GALNTL6: variants seen among roughly 807,000 people sequenced by gnomAD.
GALNTL6 encodes polypeptide N-acetylgalactosaminyltransferase-like 6.
Under a neutral mutation model 73.7 loss-of-function variants are expected in GALNTL6, and 46 were observed. That is an observed-to-expected ratio of 0.62 (90% CI 0.49 to 0.80). GALNTL6 has a LOEUF of 0.80. Ranked by LOEUF, GALNTL6 falls within the 30% of genes least tolerant of loss-of-function variation. The pLI is 0.00. For missense variants in GALNTL6, 604 were observed against 755.0 expected, an observed-to-expected ratio of 0.80 and a Z score of 2.34; for synonymous variants, 259 against 263.7, an observed-to-expected ratio of 0.98 and a Z score of 0.17.
At chr4:172,169,045 G>T (rs1734727563) in intron 2 of GALNTL6, among the ~76,000 whole-genome samples, 1 of 152,144 alleles carries the variant, frequency 6.6e-6, no homozygotes, top group Non-Finnish European at 1.5e-5. Context: ...TTTATGTTTG[G>T]GAATTGCATC....
At chr4:171,828,227 A>T (rs1335226981) in intron 2 of GALNTL6, among the ~76,000 whole-genome samples, 4 of 152,186 alleles carry the variant, frequency 2.6e-5, no homozygotes, top group Non-Finnish European at 5.9e-5. Context: ...AGTGGGTTCA[A>T]GTATCACGAG....
intron 5 of GALNTL6, among the ~76,000 whole-genome samples, chr4:172,349,150 C>T (rs1469438858): frequency 6.6e-6 from 1 of 152,078 alleles, no homozygotes; most frequent in Non-Finnish European, 1.5e-5. Context: ...GACACAGGTA[C>T]ATATTTTTAC....
chr4:171,953,391 CAG>C (rs1159645290), intron 2 of GALNTL6, among the ~76,000 whole-genome samples: 2 of 152,058 alleles, frequency 1.3e-5, no homozygotes, highest in Non-Finnish European at 2.9e-5. Flanking sequence ...AGTAGAAAAA[CAG>C]ATCAATACAA....
chr4:172,382,377 G>A (rs1743315409), intron 5 of GALNTL6, among the ~76,000 whole-genome samples: 2 of 151,800 alleles, frequency 1.3e-5, no homozygotes, highest in South Asian at 2.1e-4. Flanking sequence ...GTTGAGCATC[G>A]TTTTATGTAC....
chr4:172,910,171 T>C (rs1355875171), intron 8 of GALNTL6, among the ~76,000 whole-genome samples: 1 of 152,144 alleles, frequency 6.6e-6, no homozygotes, highest in Non-Finnish European at 1.5e-5. Flanking sequence ...ACAATATTCA[T>C]AGATGTCCTC....
intron 2 of GALNTL6, among the ~76,000 whole-genome samples, chr4:171,950,154 T>C (rs1396521224): frequency 6.6e-6 from 1 of 152,214 alleles, no homozygotes; most frequent in Non-Finnish European, 1.5e-5. Context: ...AATATTGTCT[T>C]TGTCATAACT....
intron 3 of GALNTL6, among the ~76,000 whole-genome samples, chr4:172,242,944 A>T (rs1371904590): frequency 1.3e-5 from 2 of 152,234 alleles, no homozygotes; most frequent in Admixed American, 1.3e-4. Context: ...AGCCAGAAGG[A>T]TCATCTGAAC....
rs771207652 is a variant in GALNTL6, at chr4:172,160,891, GACACACACACACACACACAT to G, written c.139-68750_139-68731del. On this transcript the variant is annotated intron_variant, in intron 2 of 12. Transcript: ENST00000506823. ...GTATTGGAGATTATATATATATATAGACACACACACACACACACATACACACACACACACTCACACACATA... is the reference window on the plus strand; with the variant it reads ...GTATTGGAGATTATATATATATATAGACACACACACACACTCACACACATA... Among the ~76,000 whole-genome samples, 414 of 110,894 alleles carry G rather than the reference GACACACACACACACACACAT, an allele frequency of 3.7e-3. 3 individuals carry two copies. The highest frequency in any genetic ancestry group is 0.015 in the African/African-American group (378 of 25,724). The allele number at this position is 110,894 out of a possible 152,430, so 72.8% of individuals were successfully genotyped here. A position where few individuals can be genotyped will look rare whatever the true frequency, so the allele number is the denominator to read the frequency against.
intron 2 of GALNTL6, among the ~76,000 whole-genome samples, chr4:171,873,292 G>A (rs1736186907): frequency 6.6e-6 from 1 of 152,102 alleles, no homozygotes. Flanking sequence ...TTACTATGTT[G>A]TATTTGTTCA....
At chr4:172,629,338 A>G in intron 5 of GALNTL6, among the ~76,000 whole-genome samples, 1 of 152,216 alleles carries the variant, frequency 6.6e-6, no homozygotes, top group East Asian at 1.9e-4. Context: ...AGCATTTTAT[A>G]TCATTAAAAA....
intron 5 of GALNTL6, among the ~76,000 whole-genome samples, chr4:172,793,174 A>G (rs916002373): frequency 8.3e-4 from 127 of 152,236 alleles, no homozygotes; most frequent in African/African-American, 2.9e-3. Context: ...CATTTCTAGT[A>G]TTGACTTTGC....
At chr4:172,162,747 C>A (rs1734511197) in intron 2 of GALNTL6, among the ~76,000 whole-genome samples, 1 of 152,000 alleles carries the variant, frequency 6.6e-6, no homozygotes, top group Admixed American at 6.6e-5. Context: ...CAGTGGCTAA[C>A]AAGTAATCAA....
intron 5 of GALNTL6, among the ~76,000 whole-genome samples, chr4:172,402,820 G>A (rs1231547720): frequency 6.6e-6 from 1 of 152,010 alleles, no homozygotes; most frequent in Non-Finnish European, 1.5e-5. Flanking sequence ...AGTTGAGGGT[G>A]AAAAGGAACA....
chr4:172,690,343 C>A (rs990394539), intron 5 of GALNTL6, among the ~76,000 whole-genome samples: 1 of 152,138 alleles, frequency 6.6e-6, no homozygotes, highest in Non-Finnish European at 1.5e-5. Flanking sequence ...AAGACTGACT[C>A]TTTGTCTCAA....
rs752786390 is a variant in GALNTL6 at position 172,311,682 on chromosome 4, A to G, written c.316A>G (p.Asn106Asp). The G allele has an allele frequency of 6.2e-7, 1 of 1,611,994 alleles. No individual in the cohort carries two copies. Among genetic ancestry groups the G allele is most frequent in the Admixed American group, 1.7e-5 (1 of 59,908 alleles). Residue 106 changes from asparagine (N) to aspartate (D), a missense_variant, in exon 4 of 13, where the codon AAT becomes GAT. Physicochemically the swap from Asn to Asp is conservative, Grantham distance 23. Coordinates refer to ENST00000506823, the MANE Select transcript of GALNTL6 (RefSeq NM_001034845.3). ...EDHDDSAYRE[N>D]GFNIFVSNNI... ...CCATGATGACTCAGCTTACAGGGAA[A>G]ATGGTTTTAATATTTTCGTCAGCAA...
At chr4:172,897,652 C>T (rs924261095) in intron 8 of GALNTL6, among the ~76,000 whole-genome samples, 2 of 152,158 alleles carry the variant, frequency 1.3e-5, no homozygotes, top group South Asian at 2.1e-4. Context: ...AAAACACGTA[C>T]GTTGGTGTTG....
At chr4:172,668,468 T>C (rs1455969545) in intron 5 of GALNTL6, 1 of 152,138 alleles carries the variant, frequency 6.6e-6, no homozygotes, top group Non-Finnish European at 1.5e-5. Context: ...CCGATGTGAA[T>C]TTAGGCCATG....
At chr4:171,922,990 A>G (rs867059284) in intron 2 of GALNTL6, among the ~76,000 whole-genome samples, 15 of 152,232 alleles carry the variant, frequency 9.9e-5, no homozygotes, top group Middle Eastern at 3.4e-3. Flanking sequence ...TGCTAAAATT[A>G]CATAAATTGT....
intron 9 of GALNTL6, among the ~76,000 whole-genome samples, chr4:172,949,955 GAAAGA>G (rs1233721962): frequency 6.6e-6 from 1 of 151,344 alleles, no homozygotes; most frequent in Non-Finnish European, 1.5e-5. Flanking sequence ...AAAAAAGAAA[GAAAGA>G]AAAGAAAAGA....
Sources: allele counts gnomAD v4.1 joint callset (sites outside exome capture counted in the v4.1 genomes callset), GRCh38; gene constraint gnomAD v4.1.1; transcripts MANE v1.5; gene names NCBI Gene and HGNC (gene_info 2026-07-23, HGNC 2026-07-21).